The following PTPRD variants were observed in gnomAD, a reference collection of about 807,000 sequenced individuals.
PTPRD encodes the protein protein tyrosine phosphatase receptor type D.
In PTPRD, 34 loss-of-function variants were observed where a neutral mutation model predicts 214.5. The observed-to-expected ratio is 0.16, with a 90% CI of 0.12 to 0.21. The LOEUF is 0.21. Among genes scored for constraint, PTPRD ranks in the 10% least tolerant of loss-of-function variants. PTPRD has a pLI of 1.00. For missense variants in PTPRD, 2,545 were observed against 2,398.7 expected, an observed-to-expected ratio of 1.06 and a Z score of -1.27; for synonymous variants, 1,128 against 845.7, an observed-to-expected ratio of 1.33 and a Z score of -5.79.
At chr9:10,183,389 C>A (rs193148397) in intron 3 of PTPRD, among the ~76,000 whole-genome samples, 7 of 152,130 alleles carry the variant, frequency 4.6e-5, no homozygotes, top group African/African-American at 1.7e-4. Flanking sequence ...TAATCCTTTG[C>A]GCAAAGGAAG....
At chr9:9,334,866 G>C (rs2043811623) in intron 9 of PTPRD, among the ~76,000 whole-genome samples, 1 of 151,788 alleles carries the variant, frequency 6.6e-6, no homozygotes, top group African/African-American at 2.4e-5. Context: ...TACTAGGTAA[G>C]AAATCAACAT....
chr9:8,879,041 A>T (rs1457009060), intron 11 of PTPRD, among the ~76,000 whole-genome samples: 1 of 151,988 alleles, frequency 6.6e-6, no homozygotes, highest in Non-Finnish European at 1.5e-5. Flanking sequence ...CACTTATTTT[A>T]CTCTGGGTGA....
intron 10 of PTPRD, among the ~76,000 whole-genome samples, chr9:9,038,955 T>A (rs934028232): frequency 6.6e-6 from 1 of 152,168 alleles, no homozygotes; most frequent in East Asian, 1.9e-4. Context: ...AAGCTTTTGC[T>A]GTATTTTCAT....
In PTPRD at chr9:10,331,093, C is replaced by A. The variant is rs377008195; in HGVS notation, c.-545+9870G>T. Among the ~76,000 whole-genome samples, 77 of 151,962 alleles carry A rather than the reference C, an allele frequency of 5.1e-4. 2 individuals carry two copies. Among genetic ancestry groups the A allele is most frequent in the East Asian group, 1.6e-3 (8 of 5,134 alleles). On this transcript the variant is annotated intron_variant, in intron 3 of 45. Transcript: ENST00000381196. ...TCACTCTCAACACCAGATGCAGATG[C>A]CTTCTGCAAACTACTCCATCAACTC... is the stretch of plus-strand genomic sequence containing the variant.
At chr9:10,500,436 A>G (rs2043306589) in intron 2 of PTPRD, among the ~76,000 whole-genome samples, 2 of 151,956 alleles carry the variant, frequency 1.3e-5, no homozygotes, top group Non-Finnish European at 2.9e-5. Context: ...AATACATAGT[A>G]GGTATCTATA....
intron 37 of PTPRD, among the ~76,000 whole-genome samples, chr9:8,382,183 T>C (rs2085312311): frequency 6.6e-6 from 1 of 152,214 alleles, no homozygotes; most frequent in Non-Finnish European, 1.5e-5. Context: ...AGTTCAATAT[T>C]TTAACAACCA....
In PTPRD at chr9:8,316,112, A is replaced by ATGAT. The variant is rs372538225; in HGVS notation, c.*1758_*1761dup. 1.2e-3 allele frequency: 265 copies of ATGAT among 229,734 alleles called. 5 individuals are homozygous for ATGAT. The East Asian group carries it at 0.016, about 14-fold the overall frequency. 14.2% of individuals were successfully genotyped at this position (229,734 alleles called of 1,614,324 possible). A position where few individuals can be genotyped will look rare whatever the true frequency, so the allele number is the denominator to read the frequency against. The stretch of plus-strand genomic sequence containing the variant: ...AAACAAGTAGCTTTTTCTGATGTTG[A>ATGAT]TGATTGATTATAAAAGGAAGAAGGG... On this transcript the variant is annotated 3_prime_UTR_variant, in exon 46 of 46. Transcript: ENST00000381196.
At chr9:10,181,196 G>A (rs2099280672) in intron 3 of PTPRD, among the ~76,000 whole-genome samples, 1 of 151,976 alleles carries the variant, frequency 6.6e-6, no homozygotes, top group South Asian at 2.1e-4. Context: ...GCTAAAAATA[G>A]GAGTTTGTTT....
chr9:10,028,142 T>C (rs1253048427), intron 4 of PTPRD, among the ~76,000 whole-genome samples: 1 of 152,198 alleles, frequency 6.6e-6, no homozygotes, highest in Non-Finnish European at 1.5e-5. Context: ...CAAGATCTGA[T>C]GTTTTTTAAA....
chr9:8,402,498 A>G (rs1055388661), intron 36 of PTPRD, among the ~76,000 whole-genome samples: 23 of 152,226 alleles, frequency 1.5e-4, no homozygotes, highest in African/African-American at 5.5e-4. Flanking sequence ...CAATGCTACA[A>G]TAGAGCAGAG....
intron 14 of PTPRD, among the ~76,000 whole-genome samples, chr9:8,608,192 G>T (rs1002799192): frequency 2.0e-5 from 3 of 151,046 alleles, no homozygotes; most frequent in African/African-American, 4.9e-5. Context: ...AGATATTACT[G>T]TTACCCTATT....
chr9:9,152,703 T>C lies in PTPRD; in HGVS notation c.-143+30601A>G, dbSNP rs76138564. Among the ~76,000 whole-genome samples the C allele has an allele frequency of 1.3e-3, 193 of 152,308 alleles. No homozygotes were observed. In the Middle Eastern group the frequency reaches 0.017, roughly 13 times the overall value. ...GCTAGTCCAAAAGAGGCTGATCTCA[T>C]TTGTCACCCAGTGGTTTCTTTTGGG... On this transcript the variant is annotated intron_variant, in intron 10 of 45. Coordinates refer to ENST00000381196, the MANE Select transcript of PTPRD (RefSeq NM_002839.4).
intron 7 of PTPRD, among the ~76,000 whole-genome samples, chr9:9,660,619 T>A (rs1311669252): frequency 3.3e-5 from 5 of 151,988 alleles, no homozygotes; most frequent in African/African-American, 1.2e-4. Flanking sequence ...AAGTAGGCAT[T>A]TTTGAAATTT....
intron 3 of PTPRD, among the ~76,000 whole-genome samples, chr9:10,193,729 G>A (rs891548238): frequency 1.3e-5 from 2 of 152,066 alleles, no homozygotes; most frequent in African/African-American, 2.4e-5. Context: ...TGGGTAACAC[G>A]TATGGTATCT....
Position 8,449,993 on chromosome 9 carries a change from C to A in PTPRD, c.3876-156G>T, listed in dbSNP as rs182089586. Reference sequence around the variant, plus strand: ...TTGTGACCCAGTTCGGGTTGCTTTTCCCCCCTGGCCTAATTGTTCTCTCAG... The same window carrying A: ...TTGTGACCCAGTTCGGGTTGCTTTTACCCCCTGGCCTAATTGTTCTCTCAG... On this transcript the variant is annotated intron_variant, in intron 33 of 45. Transcript: ENST00000381196. 1,108 of 655,300 alleles carry A rather than the reference C, an allele frequency of 1.7e-3. 6 individuals are homozygous for A. Among genetic ancestry groups the A allele is most frequent in the Non-Finnish European group, 2.2e-3 (881 of 395,456 alleles). 40.6% of individuals were successfully genotyped at this position (655,300 alleles called of 1,614,324 possible). A position where few individuals can be genotyped will look rare whatever the true frequency, so the allele number is the denominator to read the frequency against.
chr9:9,298,078 T>A (rs1383625448), intron 9 of PTPRD, among the ~76,000 whole-genome samples: 1 of 151,618 alleles, frequency 6.6e-6, no homozygotes, highest in Non-Finnish European at 1.5e-5. Context: ...AAAAGAAAAC[T>A]CCACATTTTT....
chr9:10,231,367 G>A (rs2099609081), intron 3 of PTPRD, among the ~76,000 whole-genome samples: 2 of 151,900 alleles, frequency 1.3e-5, no homozygotes, highest in Admixed American at 1.3e-4. Context: ...TGCAGGAAGG[G>A]ATAATATAGG....
rs557535142 is a variant in PTPRD, at chr9:8,816,218, A to G, written c.-103-82272T>C. Among the ~76,000 whole-genome samples, 45 of 152,352 alleles carry G rather than the reference A, an allele frequency of 3.0e-4. No homozygotes were observed. The South Asian group carries it at 9.3e-3, about 32-fold the overall frequency. On this transcript the variant is annotated intron_variant, in intron 11 of 45. Transcript: ENST00000381196. ...AGGAAATTAAAAATCCATAACAGAC[A>G]TTAGCTTTAGGAAATGCACTTAACA...
chr9:8,357,893 T>G (rs1385068689), intron 39 of PTPRD, among the ~76,000 whole-genome samples: 1 of 152,208 alleles, frequency 6.6e-6, no homozygotes, highest in Non-Finnish European at 1.5e-5. Context: ...CAGGGTTTGG[T>G]ATCCACAAAA....
Sources: allele counts gnomAD v4.1 joint callset (sites outside exome capture counted in the v4.1 genomes callset), GRCh38; gene constraint gnomAD v4.1.1; transcripts MANE v1.5; gene names NCBI Gene and HGNC (gene_info 2026-07-23, HGNC 2026-07-21).